SCYL2: variants seen among roughly 807,000 people sequenced by gnomAD.
SCYL2 encodes the protein SCY1 like pseudokinase 2.
SCYL2 carries 36 observed loss-of-function variants against 100.4 expected under a neutral mutation model. The ratio of observed to expected loss-of-function variants is 0.36; its 90% CI spans 0.27 to 0.47. The LOEUF (loss-of-function observed/expected upper bound fraction) is 0.47, where lower values mean the gene tolerates loss of function less well. SCYL2 is among the 20% of genes least tolerant of loss of function. The probability of loss-of-function intolerance (pLI) is 1.00; values close to 1 mark genes in which losing one functional copy is unlikely to be tolerated. For missense variants in SCYL2, 902 were observed against 1,083.9 expected (o/e 0.83, Z 2.36); for synonymous variants, 330 against 359.2 (o/e 0.92, Z 0.92).
At chr12:100,332,280 A>C (rs1019462164) in intron 13 of SCYL2, among the ~76,000 whole-genome samples, 19 of 152,212 alleles carry the variant, frequency 1.2e-4, no homozygotes, top group Admixed American at 1.2e-3. Flanking sequence ...CTCAAATTCC[A>C]AACTCCCAGA....
At chr12:100,282,676 CTCTT>C (rs1247489660) in intron 1 of SCYL2, among the ~76,000 whole-genome samples, 1 of 152,164 alleles carries the variant, frequency 6.6e-6, no homozygotes, top group Non-Finnish European at 1.5e-5. Context: ...AATATTCATT[CTCTT>C]TCTTAATGTC....
At position 100,326,761 on chromosome 12, in the gene SCYL2, G is replaced by GA. The variant is rs747973726; in HGVS notation, c.1642+11dup. 6.2e-7 allele frequency: 1 copy of GA among 1,602,312 alleles called. No individual in the cohort carries two copies. The highest frequency in any genetic ancestry group is 2.2e-5 in the East Asian group (1 of 44,666). On this transcript the variant is annotated splice_region_variant and intron_variant, in intron 12 of 17. Coordinates refer to ENST00000360820, the MANE Select transcript of SCYL2 (RefSeq NM_017988.6). ...GTCCTCATGGGAATTTTAGGTAGCT[G>GA]AAAATTTAATGTCATTTGATGCTAT...
chr12:100,327,970 T>G (rs949309395), intron 12 of SCYL2, among the ~76,000 whole-genome samples: 3 of 152,144 alleles, frequency 2.0e-5, no homozygotes, highest in Non-Finnish European at 4.4e-5. Flanking sequence ...CATGAATCTT[T>G]TGTGCAGAAA....
At chr12:100,336,024 T>C (rs758019859) in intron 16 of SCYL2, 118 bp downstream of exon 16, 3 of 734,296 alleles carry the variant, frequency 4.1e-6, no homozygotes, top group East Asian at 2.6e-5. Flanking sequence ...TTTGTAATTA[T>C]CTTTCTGAAA....
In SCYL2 at chr12:100,269,086, A is replaced by C. The variant is rs146284401; in HGVS notation, c.-29+1294A>C. ...AGACTTAGTGACTTTTTCAAAATGC[A>C]GACCTAATAACATTGTCTTAGTGTT... On this transcript the variant is annotated intron_variant, in intron 1 of 17. Transcript: ENST00000360820. Among the ~76,000 whole-genome samples the C allele has an allele frequency of 2.4e-3, 361 of 152,332 alleles. 1 individual carries two copies. Among genetic ancestry groups the C allele is most frequent in the African/African-American group, 8.0e-3 (332 of 41,580 alleles).
rs756351535 is a variant in SCYL2 at position 100,335,613 on chromosome 12, ACT to A, written c.1863-8_1863-7del. The A allele has an allele frequency of 6.4e-7, 1 of 1,554,510 alleles. No individual in the cohort carries two copies. The highest frequency in any genetic ancestry group is 2.2e-5 in the East Asian group (1 of 44,514). ...CTTTTTATTGTTTTATCATAATTCA[ACT>A]CTCCTACAGATCTTTGGATATAGGA... On this transcript the variant is annotated splice_polypyrimidine_tract_variant and intron_variant, in intron 14 of 17. Coordinates refer to ENST00000360820, the MANE Select transcript of SCYL2 (RefSeq NM_017988.6).
chr12:100,292,520 C>A (rs2096311784), intron 3 of SCYL2, among the ~76,000 whole-genome samples: 1 of 152,164 alleles, frequency 6.6e-6, no homozygotes, highest in African/African-American at 2.4e-5. Flanking sequence ...TATTGAGTTT[C>A]TGCAATTCTT....
chr12:100,299,816 T>C (rs1205835812), intron 4 of SCYL2, among the ~76,000 whole-genome samples: 1 of 152,220 alleles, frequency 6.6e-6, no homozygotes, highest in South Asian at 2.1e-4. Flanking sequence ...AAAGCTGCTA[T>C]GAACATTCAT....
At chr12:100,313,684 C>T in intron 7 of SCYL2, 146 bp downstream of exon 7, 1 of 561,526 alleles carries the variant, frequency 1.8e-6, no homozygotes, top group Admixed American at 3.2e-5. Flanking sequence ...AGATACAGCC[C>T]CAAATAACAT....
At chr12:100,280,183 A>G (rs932425558) in intron 1 of SCYL2, among the ~76,000 whole-genome samples, 1 of 152,210 alleles carries the variant, frequency 6.6e-6, no homozygotes, top group Admixed American at 6.5e-5. Flanking sequence ...TGTTAAAAGC[A>G]AGAGGGCAGA....
chr12:100,296,398 T>A (rs1250811478), intron 3 of SCYL2, among the ~76,000 whole-genome samples: 1 of 151,788 alleles, frequency 6.6e-6, no homozygotes, highest in Non-Finnish European at 1.5e-5. Flanking sequence ...AATTAAAACC[T>A]AAAAAAAAGT....
At chr12:100,274,548 C>G (rs2096290728) in intron 1 of SCYL2, among the ~76,000 whole-genome samples, 2 of 152,168 alleles carry the variant, frequency 1.3e-5, no homozygotes, top group Non-Finnish European at 2.9e-5. Flanking sequence ...TTTAGTATTT[C>G]TTATCAAACT....
At chr12:100,269,398 T>G (rs1037322469) in intron 1 of SCYL2, among the ~76,000 whole-genome samples, 1 of 152,044 alleles carries the variant, frequency 6.6e-6, no homozygotes, top group Non-Finnish European at 1.5e-5. Context: ...TAGAATACAT[T>G]CTCCTGATTA....
intron 13 of SCYL2, among the ~76,000 whole-genome samples, chr12:100,333,277 G>T (rs1279842033): frequency 6.6e-6 from 1 of 152,132 alleles, no homozygotes; most frequent in Non-Finnish European, 1.5e-5. Flanking sequence ...TAGTAGAAAA[G>T]GGTGCAGACT....
chr12:100,317,708 T>G, intron 9 of SCYL2, 95 bp from the exon 10 acceptor site: 1 of 1,439,536 alleles, frequency 6.9e-7, no homozygotes, highest in Non-Finnish European at 9.1e-7. Flanking sequence ...TGTCAAAATA[T>G]ATGAGTTATT....
intron 12 of SCYL2, among the ~76,000 whole-genome samples, chr12:100,328,215 C>G (rs190435972): frequency 7.9e-5 from 12 of 152,182 alleles, no homozygotes; most frequent in South Asian, 6.2e-4. Context: ...GAGGTTGAGG[C>G]TGCAGGGACC....
In SCYL2 at chr12:100,304,305, G is replaced by GA. The variant is rs906494915; in HGVS notation, c.480+6141dup. 1.1e-3 allele frequency among the ~76,000 whole-genome samples: 159 copies of GA among 145,536 alleles called. 1 individual carries two copies. The highest frequency in any genetic ancestry group is 1.8e-3 in the East Asian group (9 of 5,010). The stretch of plus-strand genomic sequence containing the variant: ...GGAGTTCTAGGCACCACTGGGGTTT[G>GA]AAAAAAAAAAACTGCAGCCAGCTCG... On this transcript the variant is annotated intron_variant, in intron 4 of 17. Coordinates refer to ENST00000360820, the MANE Select transcript of SCYL2 (RefSeq NM_017988.6).
At chr12:100,314,679 C>A in intron 8 of SCYL2, 65 bp downstream of exon 8, 1 of 1,355,844 alleles carries the variant, frequency 7.4e-7, no homozygotes, top group Non-Finnish European at 1.0e-6. Flanking sequence ...TTTTGACTTA[C>A]TACCATAACT....
In SCYL2 at chr12:100,340,676, A is replaced by G. The variant is rs1952342048; in HGVS notation, c.*1504A>G. On this transcript the variant is annotated 3_prime_UTR_variant, in exon 18 of 18. Transcript: ENST00000360820. The stretch of plus-strand genomic sequence containing the variant: ...AATTATATTATTGCTGGCAGCATTC[A>G]GTTAAGAGGGTACTTTAAAAAATAG... 6.6e-6 allele frequency: 1 copy of G among 152,082 alleles called. No individual in the cohort carries two copies. Among genetic ancestry groups the G allele is most frequent in the South Asian group, 2.1e-4 (1 of 4,834 alleles). 9.4% of individuals were successfully genotyped at this position (152,082 alleles called of 1,614,324 possible).
Sources: allele counts gnomAD v4.1 joint callset (sites outside exome capture counted in the v4.1 genomes callset), GRCh38; gene constraint gnomAD v4.1.1; transcripts MANE v1.5; gene names NCBI Gene and HGNC (gene_info 2026-07-23, HGNC 2026-07-21).